The following DDX50 variants were observed in gnomAD, a reference collection of about 807,000 sequenced individuals.
The protein encoded by DDX50 is ATP-dependent RNA helicase DDX50.
DDX50 carries 56 observed loss-of-function variants against 94.8 expected under a neutral mutation model. That is an observed-to-expected ratio of 0.59 (90% CI 0.48 to 0.74). DDX50 has a LOEUF of 0.74. DDX50 is among the 30% of genes least tolerant of loss of function. DDX50 has a pLI of 0.00. For synonymous variants in DDX50, 264 were observed against 295.4 expected, an observed-to-expected ratio of 0.89 and a Z score of 1.09; for missense variants, 713 against 881.2, an observed-to-expected ratio of 0.81 and a Z score of 2.42.
chr10:68,913,901 A>C (rs1841707225), intron 6 of DDX50, among the ~76,000 whole-genome samples, 158 bp from the exon 7 acceptor site: 1 of 152,118 alleles, frequency 6.6e-6, no homozygotes, highest in Non-Finnish European at 1.5e-5. Context: ...CAGTTTTGCA[A>C]GTTGAAAGTT....
intron 13 of DDX50, among the ~76,000 whole-genome samples, chr10:68,941,941 ATGT>A (rs1293447847): frequency 1.3e-5 from 2 of 150,892 alleles, no homozygotes; most frequent in Non-Finnish European, 3.0e-5. Context: ...TACCCTGTCC[ATGT>A]TATTATTATT....
rs543600713 is a variant in DDX50 at position 68,937,513 on chromosome 10, G to A, written c.1755+418G>A. Among the ~76,000 whole-genome samples, 384 of 151,402 alleles carry A rather than the reference G, an allele frequency of 2.5e-3. 2 individuals are homozygous for A. Among genetic ancestry groups the A allele is most frequent in the African/African-American group, 7.2e-3 (295 of 41,248 alleles). ...GATCAGGATCATTAGCGTATCCATC[G>A]TCTAAACATTTATCATTTCTTTGTT... On this transcript the variant is annotated intron_variant, in intron 12 of 14. Coordinates refer to ENST00000373585, the MANE Select transcript of DDX50 (RefSeq NM_024045.2).
intron 8 of DDX50, among the ~76,000 whole-genome samples, chr10:68,925,978 C>T (rs1383414545): frequency 6.9e-6 from 1 of 145,230 alleles, no homozygotes; most frequent in African/African-American, 2.6e-5. Flanking sequence ...CGCGCCATTG[C>T]ACTCCATCCT....
intron 3 of DDX50, 53 bp downstream of exon 3, chr10:68,910,435 C>T: frequency 6.8e-7 from 1 of 1,478,972 alleles, no homozygotes; most frequent in South Asian, 1.2e-5. Flanking sequence ...CAGAGCCTCG[C>T]TCTGTTGCCC....
chr10:68,932,657 T>C (rs1842302580), intron 8 of DDX50, among the ~76,000 whole-genome samples: 2 of 152,194 alleles, frequency 1.3e-5, no homozygotes, highest in South Asian at 4.1e-4. Context: ...GATGAAGATC[T>C]ACCTAATATA....
chr10:68,946,562 G>A lies in DDX50; in HGVS notation c.2146G>A (p.Asp716Asn). Reference sequence around the variant, plus strand: ...AGGAAGTCGCTCAGGAAGTCGACAAGATGGTAGAAGACGAAGTGGGAATAG... The same window carrying A: ...AGGAAGTCGCTCAGGAAGTCGACAAAATGGTAGAAGACGAAGTGGGAATAG... ...RQGSRSGSRQ[D>N]GRRRSGNRNR... Residue 716 changes from aspartate to asparagine, a missense_variant, in exon 15 of 15, where the codon GAT (aspartate) becomes AAT (asparagine). Asp to Asn is a conservative substitution (Grantham distance 23). Coordinates refer to ENST00000373585, the MANE Select transcript of DDX50 (RefSeq NM_024045.2). 3 of 1,614,236 alleles carry A rather than the reference G, an allele frequency of 1.9e-6. No individual in the cohort carries two copies. Among genetic ancestry groups the A allele is most frequent in the South Asian group, 1.1e-5 (1 of 91,086 alleles).
In DDX50 at chr10:68,910,367, A is replaced by C; in HGVS notation, c.445A>C (p.Ile149Leu). 2 of 1,605,260 alleles carry C rather than the reference A, an allele frequency of 1.2e-6. No homozygotes were observed. Among genetic ancestry groups the C allele is most frequent in the Admixed American group, 1.8e-5 (1 of 56,638 alleles). The change falls in exon 3 of 15, where the codon ATA (isoleucine) becomes CTA (leucine). Residue 149 changes from isoleucine to leucine, a missense_variant. Physicochemically the swap from Ile to Leu is conservative, Grantham distance 5. Coordinates refer to ENST00000373585, the MANE Select transcript of DDX50 (RefSeq NM_024045.2). ...FSNFPISEET[I>L]KLLKGRGVTY... ...CAATTTTCCTATTTCTGAAGAGACT[A>C]TAAAGCTTCTGAAAGGTATGCAGTT...
intron 4 of DDX50, 80 bp from the exon 5 acceptor site, chr10:68,913,082 A>G: frequency 9.1e-7 from 1 of 1,102,742 alleles, no homozygotes; most frequent in Non-Finnish European, 1.3e-6. Context: ...TTTTAAATGC[A>G]CCTAAAAAAA....
At chr10:68,930,114 C>CTTTT (rs34023657) in intron 8 of DDX50, among the ~76,000 whole-genome samples, 123 of 99,736 alleles carry the variant, frequency 1.2e-3, no homozygotes, top group Non-Finnish European at 1.5e-3. Flanking sequence ...CTTTCCTTTC[C>CTTTT]TTTTTTTTTT....
intron 7 of DDX50, among the ~76,000 whole-genome samples, chr10:68,916,509 A>G (rs563931490): frequency 3.4e-4 from 51 of 152,148 alleles, no homozygotes; most frequent in Admixed American, 6.6e-4. Flanking sequence ...GAAAGATTGA[A>G]TAGTATAAAG....
intron 12 of DDX50, 106 bp downstream of exon 12, chr10:68,937,201 T>C (rs1324649933): frequency 2.4e-6 from 3 of 1,247,740 alleles, no homozygotes; most frequent in African/African-American, 1.5e-5. Flanking sequence ...AAAACTGTTT[T>C]GCTCTATGAG....
chr10:68,941,933 C>T (rs1255050964), intron 13 of DDX50, among the ~76,000 whole-genome samples: 4 of 152,000 alleles, frequency 2.6e-5, no homozygotes, highest in African/African-American at 4.8e-5. Context: ...AGCCACCATA[C>T]CCTGTCCATG....
At chr10:68,939,848 C>T (rs1244386550) in intron 12 of DDX50, among the ~76,000 whole-genome samples, 1 of 150,506 alleles carries the variant, frequency 6.6e-6, no homozygotes, top group African/African-American at 2.5e-5. Context: ...CTGTGTACCC[C>T]CCCACCCAAC....
chr10:68,923,937 CTTTTTTTTTTTTTTTTTT>C (rs56820953), intron 8 of DDX50, among the ~76,000 whole-genome samples: 1 of 42,410 alleles, frequency 2.4e-5, no homozygotes, highest in African/African-American at 1.0e-4. Flanking sequence ...AGATAGTCTG[CTTTTTTTTTTTTTTTTTT>C]TTTTTTTTTT....
rs1431728676 is a variant in DDX50 at position 68,919,980 on chromosome 10, A to G, written c.1238A>G (p.Gln413Arg). Residue 413 changes from glutamine (Q) to arginine (R), a missense_variant and splice_region_variant, in exon 8 of 15, where the codon CAG (glutamine) becomes CGG (arginine). Coordinates refer to ENST00000373585, the MANE Select transcript of DDX50 (RefSeq NM_024045.2). Reference protein sequence around the residue: ...TEMAMNPHIKQNAQCLHGDIA... With the variant: ...TEMAMNPHIKRNAQCLHGDIA... ...ATGGCCATGAATCCACACATAAAAC[A>G]GGTAAGTCTTTTTTTCATGCTTTCT... 6.2e-7 allele frequency: 1 copy of G among 1,612,458 alleles called. No individual in the cohort carries two copies. The highest frequency in any genetic ancestry group is 1.7e-5 in the Admixed American group (1 of 59,292).
At chr10:68,929,081 G>A (rs1031779423) in intron 8 of DDX50, among the ~76,000 whole-genome samples, 2 of 151,686 alleles carry the variant, frequency 1.3e-5, no homozygotes, top group Non-Finnish European at 2.9e-5. Context: ...CCCGAAGCTT[G>A]TATTACAGGC....
chr10:68,903,168 G>A lies in DDX50; in HGVS notation c.87+1697G>A, dbSNP rs556019444. 2.0e-3 allele frequency among the ~76,000 whole-genome samples: 304 copies of A among 152,266 alleles called. 1 individual carries two copies. Among genetic ancestry groups the A allele is most frequent in the Non-Finnish European group, 3.7e-3 (253 of 68,018 alleles). On this transcript the variant is annotated intron_variant, in intron 1 of 14. Coordinates refer to ENST00000373585, the MANE Select transcript of DDX50 (RefSeq NM_024045.2). ...GCCTGTAATCCTAGCACTTTGGGACGCTGAGATGGGAGGATTGCTTGAGCC... is the reference window on the plus strand; with the variant it reads ...GCCTGTAATCCTAGCACTTTGGGACACTGAGATGGGAGGATTGCTTGAGCC...
intron 8 of DDX50, among the ~76,000 whole-genome samples, chr10:68,926,519 A>G (rs1338559567): frequency 6.6e-6 from 1 of 152,112 alleles, no homozygotes; most frequent in African/African-American, 2.4e-5. Context: ...GATTAACTAC[A>G]GAATCTGAAT....
At position 68,936,533 on chromosome 10, in the gene DDX50, T is replaced by A. The variant is rs1200184022; in HGVS notation, c.1596-403T>A. On this transcript the variant is annotated intron_variant, in intron 11 of 14. Coordinates refer to ENST00000373585, the MANE Select transcript of DDX50 (RefSeq NM_024045.2). ...AAAAAAAAATATATATATATATATATATATATATATATATATAAAATGTGG... is the reference window on the plus strand; with the variant it reads ...AAAAAAAAATATATATATATATATAAATATATATATATATATAAAATGTGG... Among the ~76,000 whole-genome samples the A allele has an allele frequency of 2.2e-3, 227 of 101,678 alleles. 1 individual carries two copies. Among genetic ancestry groups the A allele is most frequent in the African/African-American group, 7.7e-3 (202 of 26,306 alleles). 66.7% of individuals were successfully genotyped at this position (101,678 alleles called of 152,430 possible). A position where few individuals can be genotyped will look rare whatever the true frequency, so the allele number is the denominator to read the frequency against.
Sources: gnomAD v4.1 joint callset for allele counts (sites outside exome capture counted in the v4.1 genomes callset) on GRCh38, gnomAD v4.1.1 for gene constraint, MANE v1.5 for transcripts, NCBI Gene and HGNC (gene_info 2026-07-23, HGNC 2026-07-21) for gene names.